MAVS: variants seen among roughly 807,000 people sequenced by gnomAD.
MAVS encodes mitochondrial antiviral-signaling protein.
Under a neutral mutation model 30.2 loss-of-function variants are expected in MAVS, and 20 were observed. That is an observed-to-expected ratio of 0.66 (90% CI 0.47 to 0.96). The LOEUF (loss-of-function observed/expected upper bound fraction) is 0.96. Among genes scored for constraint, MAVS ranks in the 40% least tolerant of loss-of-function variants. The pLI, the probability that MAVS is intolerant of heterozygous loss-of-function variation, is 0.00. For missense variants in MAVS, 624 were observed against 701.1 expected, an observed-to-expected ratio of 0.89 and a Z score of 1.24; for synonymous variants, 278 against 293.9, an observed-to-expected ratio of 0.95 and a Z score of 0.55.
rs952046581 is a variant in MAVS at position 3,857,721 on chromosome 20, G to C, written c.204G>C (p.Trp68Cys). ...LFNTLQRRPG[W>C]VEYFIAALRG... ...ATACCCTTCAGCGGCGGCCCGGCTG[G>C]GTGGAGTACTTCATTGCGGCACTGA... Residue 68 changes from tryptophan to cysteine, a missense_variant, in exon 3 of 7, where the codon TGG (tryptophan) becomes TGC (cysteine). Trp to Cys is a radical substitution (Grantham distance 215). Coordinates refer to ENST00000428216, the MANE Select transcript of MAVS (RefSeq NM_020746.5). 6.2e-7 allele frequency: 1 copy of C among 1,614,110 alleles called. No individual in the cohort carries two copies. The highest frequency in any genetic ancestry group is 1.3e-5 in the African/African-American group (1 of 74,934).
intron 1 of MAVS, among the ~76,000 whole-genome samples, chr20:3,851,773 T>G (rs977385958): frequency 1.3e-4 from 19 of 151,890 alleles, no homozygotes; most frequent in African/African-American, 4.3e-4. Context: ...CTGACCAACA[T>G]GGAGAAACCC....
intron 3 of MAVS, among the ~76,000 whole-genome samples, chr20:3,858,407 C>T (rs1056937108): frequency 5.9e-5 from 9 of 152,206 alleles, no homozygotes; most frequent in South Asian, 2.1e-4. Context: ...AGGCTGGGCG[C>T]GGTGTTTCAC....
chr20:3,867,908 C>G lies in MAVS; in HGVS notation c.*1761C>G, dbSNP rs375690974. ...ATGGGTTCTTTTCAGGGAACCATTGCTGGACAAGGCACAGGAGCCACCTCC... is the reference window on the plus strand; with the variant it reads ...ATGGGTTCTTTTCAGGGAACCATTGGTGGACAAGGCACAGGAGCCACCTCC... On this transcript the variant is annotated 3_prime_UTR_variant, in exon 7 of 7. Coordinates refer to ENST00000428216, the MANE Select transcript of MAVS (RefSeq NM_020746.5). The G allele has an allele frequency of 1.2e-4, 18 of 152,446 alleles. 1 individual carries two copies. In the East Asian group the frequency reaches 2.6e-3, roughly 22 times the overall value. 9.4% of individuals were successfully genotyped at this position (152,446 alleles called of 1,614,324 possible).
At position 3,874,969 on chromosome 20, in the gene MAVS, T is replaced by C. The variant is rs948220080; in HGVS notation, c.*8822T>C. 3 of 152,338 alleles carry C rather than the reference T, an allele frequency of 2.0e-5. No individual in the cohort carries two copies. Among genetic ancestry groups the C allele is most frequent in the Non-Finnish European group, 4.4e-5 (3 of 68,030 alleles). 9.4% of individuals were successfully genotyped at this position (152,338 alleles called of 1,614,324 possible). On this transcript the variant is annotated 3_prime_UTR_variant, in exon 7 of 7. Transcript: ENST00000428216. The stretch of plus-strand genomic sequence containing the variant: ...GGCTAGAGGGCTCTGCTCCAAGTCA[T>C]TGCTTACTACACCCACAAACATTCT...
In MAVS at chr20:3,865,396, T is replaced by G. The variant is rs1439955562; in HGVS notation, c.1159-287T>G. 6.6e-6 allele frequency among the ~76,000 whole-genome samples: 1 copy of G among 152,164 alleles called. No individual in the cohort carries two copies. The highest frequency in any genetic ancestry group is 6.6e-5 in the Admixed American group (1 of 15,254). On this transcript the variant is annotated intron_variant, in intron 6 of 6. Coordinates refer to ENST00000428216, the MANE Select transcript of MAVS (RefSeq NM_020746.5). The surrounding 1 kb of genome is among the most constrained non-coding windows in gnomAD (Gnocchi z 4.7). ...CTAGTTCTCAGGCCCAGGCAGGATG[T>G]CAGTGCAGGATGGAGCCCCGCCCTA...
intron 1 of MAVS, among the ~76,000 whole-genome samples, chr20:3,850,763 G>A (rs1247394422): frequency 6.6e-6 from 1 of 151,228 alleles, no homozygotes; most frequent in East Asian, 1.9e-4. Flanking sequence ...GCGGGCGCCT[G>A]TGGTCCCAGC....
At chr20:3,850,839 T>C (rs1454445307) in intron 1 of MAVS, among the ~76,000 whole-genome samples, 1 of 147,968 alleles carries the variant, frequency 6.8e-6, no homozygotes, top group African/African-American at 2.5e-5. Context: ...TGAGCCGAGA[T>C]TGCACCACAG....
At position 3,866,727 on chromosome 20, in the gene MAVS, C is replaced by G. The variant is rs1600456202; in HGVS notation, c.*580C>G. 1 of 366,484 alleles carries G rather than the reference C, an allele frequency of 2.7e-6. No individual in the cohort carries two copies. Among genetic ancestry groups the G allele is most frequent in the Non-Finnish European group, 5.4e-6 (1 of 186,160 alleles). 22.7% of individuals were successfully genotyped at this position (366,484 alleles called of 1,614,324 possible). ...GGGCCCCCTCCCCTGCTGGGCAATC[C>G]TGGGAAGGTCTGGAGGTTCCTGTGG... On this transcript the variant is annotated 3_prime_UTR_variant, in exon 7 of 7. Coordinates refer to ENST00000428216, the MANE Select transcript of MAVS (RefSeq NM_020746.5).
chr20:3,865,882 A>T lies in MAVS; in HGVS notation c.1358A>T (p.His453Leu). The T allele has an allele frequency of 6.2e-7, 1 of 1,614,050 alleles. No homozygotes were observed. Among genetic ancestry groups the T allele is most frequent in the Non-Finnish European group, 8.5e-7 (1 of 1,180,026 alleles). The change falls in exon 7 of 7, where the codon CAT (histidine) becomes CTT (leucine). Residue 453 changes from histidine (H) to leucine (L), a missense_variant. By Grantham distance (99) the His-to-Leu change is moderately conservative (BLOSUM62 -3). Transcript: ENST00000428216. The surrounding 1 kb of genome is among the most constrained non-coding windows in gnomAD (Gnocchi z 4.7). ...ASTSLGMGPCHGPEENEYKSE... is the reference protein window; with the variant it reads ...ASTSLGMGPCLGPEENEYKSE... ...ACCTCCTTGGGCATGGGGCCCTGCC[A>T]TGGCCCAGAGGAGAATGAGTATAAG...
In MAVS at chr20:3,874,294, A is replaced by G. The variant is rs183695197; in HGVS notation, c.*8147A>G. 312 of 398,484 alleles carry G rather than the reference A, an allele frequency of 7.8e-4. No individual in the cohort carries two copies. Among genetic ancestry groups the G allele is most frequent in the Middle Eastern group, 1.9e-3 (3 of 1,588 alleles). 24.7% of individuals were successfully genotyped at this position (398,484 alleles called of 1,614,324 possible). The stretch of plus-strand genomic sequence containing the variant: ...CAGGGGAGGGATACTGGGGAGGGGC[A>G]TCCTGGAGTGCTGGTCTACCTCATC... On this transcript the variant is annotated 3_prime_UTR_variant, in exon 7 of 7. Transcript: ENST00000428216.
Position 3,874,477 on chromosome 20 carries a change from G to GTA in MAVS, c.*8330_*8331insTA. On this transcript the variant is annotated 3_prime_UTR_variant, in exon 7 of 7. Transcript: ENST00000428216. ...TGTATTTGGCAGGGGTCAAAGGCAG[G>GTA]CAGGGACTGTGAAATGTTATAGTGG... 2.7e-6 allele frequency: 1 copy of GTA among 364,408 alleles called. No homozygotes were observed. The highest frequency in any genetic ancestry group is 4.9e-6 in the Non-Finnish European group (1 of 204,206). The allele number at this position is 364,408 out of a possible 1,614,324, so 22.6% of individuals were successfully genotyped here. A position where few individuals can be genotyped will look rare whatever the true frequency, so the allele number is the denominator to read the frequency against.
At chr20:3,849,092 G>A (rs1459114706) in intron 1 of MAVS, among the ~76,000 whole-genome samples, 2 of 151,964 alleles carry the variant, frequency 1.3e-5, no homozygotes, top group South Asian at 2.1e-4. Context: ...CCTTCCAGTG[G>A]TTCCCTGTTT....
At position 3,865,025 on chromosome 20, in the gene MAVS, G is replaced by A. The variant is rs2089895805; in HGVS notation, c.1158+237G>A. Among the ~76,000 whole-genome samples, 1 of 152,256 alleles carries A rather than the reference G, an allele frequency of 6.6e-6. No homozygotes were observed. Among genetic ancestry groups the A allele is most frequent in the Non-Finnish European group, 1.5e-5 (1 of 68,038 alleles). On this transcript the variant is annotated intron_variant, in intron 6 of 6. Coordinates refer to ENST00000428216, the MANE Select transcript of MAVS (RefSeq NM_020746.5). This position sits in a 1 kb window ranked among gnomAD's most constrained non-coding sequence, Gnocchi z 4.7. Reference sequence around the variant, plus strand: ...AAGTCTGGACACCTCAGGAGGGTCAGCCACAGGGGGCACCCACTGGTCAGG... The same window carrying A: ...AAGTCTGGACACCTCAGGAGGGTCAACCACAGGGGGCACCCACTGGTCAGG...
chr20:3,857,608 G>A lies in MAVS; in HGVS notation c.118-27G>A, dbSNP rs748449001. The A allele has an allele frequency of 1.1e-5, 17 of 1,589,086 alleles. No homozygotes were observed. In the African/African-American group the frequency reaches 1.9e-4, roughly 18 times the overall value. On this transcript the variant is annotated intron_variant, in intron 2 of 6. Coordinates refer to ENST00000428216, the MANE Select transcript of MAVS (RefSeq NM_020746.5). ...AAGTGGCAGGGGCCACCTGGCTTGA[G>A]CAGGACAGTGGCATTGTGTCTTCCA...
At chr20:3,852,627 T>C (rs1012549753) in intron 1 of MAVS, among the ~76,000 whole-genome samples, 2 of 152,092 alleles carry the variant, frequency 1.3e-5, no homozygotes, top group African/African-American at 4.8e-5. Context: ...TTCCCAGTGC[T>C]GACCAACCTG....
At chr20:3,858,398 G>A (rs971729004) in intron 3 of MAVS, among the ~76,000 whole-genome samples, 6 of 152,110 alleles carry the variant, frequency 3.9e-5, no homozygotes, top group Non-Finnish European at 7.4e-5. Context: ...CATGGGAGGA[G>A]GCTGGGCGCG....
chr20:3,855,669 C>T (rs1419133527), intron 2 of MAVS, among the ~76,000 whole-genome samples: 2 of 152,184 alleles, frequency 1.3e-5, no homozygotes, highest in South Asian at 2.1e-4. Flanking sequence ...CCACACAGAT[C>T]GCATTAGTAT....
At chr20:3,857,503 G>A (rs965977634) in intron 2 of MAVS, 132 bp from the exon 3 acceptor site, 10 of 1,052,884 alleles carry the variant, frequency 9.5e-6, no homozygotes, top group East Asian at 7.4e-5. Flanking sequence ...CCTGGGCTCC[G>A]ATCCAGTTTC....
chr20:3,853,769 G>A (rs985344514), intron 1 of MAVS, among the ~76,000 whole-genome samples: 7 of 152,010 alleles, frequency 4.6e-5, no homozygotes, highest in Admixed American at 1.3e-4. Context: ...ACCCAACTTG[G>A]GTGACAGAGA....
Sources: allele counts gnomAD v4.1 joint callset (sites outside exome capture counted in the v4.1 genomes callset), GRCh38; gene constraint gnomAD v4.1.1; non-coding constraint Gnocchi (gnomAD v3.1); transcripts MANE v1.5; gene names NCBI Gene and HGNC (gene_info 2026-07-23, HGNC 2026-07-21).